The following STAT3 variants were observed in gnomAD, a reference collection of about 807,000 sequenced individuals.
The protein encoded by STAT3 is signal transducer and activator of transcription 3.
In STAT3, 7 loss-of-function variants were observed where a neutral mutation model predicts 114.3. The ratio of observed to expected loss-of-function variants is 0.06; its 90% CI spans 0.03 to 0.11. STAT3 has a LOEUF of 0.11. Among genes scored for constraint, STAT3 ranks in the 10% least tolerant of loss-of-function variants. The pLI is 1.00. For missense variants in STAT3, 364 were observed against 960.9 expected, an observed-to-expected ratio of 0.38 and a Z score of 8.21; for synonymous variants, 331 against 354.5, an observed-to-expected ratio of 0.93 and a Z score of 0.74.
Position 42,324,744 on chromosome 17 carries a change from C to T in STAT3, c.1567G>A (p.Glu523Lys), listed in dbSNP as rs759053963. ...SSTTKRGLSIEQLTTLAEKLL... is the reference protein window; with the variant it reads ...SSTTKRGLSIKQLTTLAEKLL... ...TTCTCTGCCAGTGTAGTCAGCTGCT[C>T]GATGCTCAGTCCTCGCTTGGTGGTG... Residue 523 changes from glutamate (E) to lysine (K), a missense_variant, in exon 17 of 24, where the codon GAG becomes AAG. By Grantham distance (56) the Glu-to-Lys change is moderately conservative. Transcript: ENST00000264657. This position sits in a 1 kb window ranked among gnomAD's most constrained non-coding sequence, Gnocchi z 4.5. The T allele has an allele frequency of 6.2e-7, 1 of 1,614,076 alleles. No homozygotes were observed. The highest frequency in any genetic ancestry group is 8.5e-7 in the Non-Finnish European group (1 of 1,180,016).
chr17:42,378,222 A>C (rs532154415), intron 1 of STAT3, among the ~76,000 whole-genome samples: 1 of 150,640 alleles, frequency 6.6e-6, no homozygotes, highest in African/African-American at 2.5e-5. Context: ...CCTATGTATA[A>C]GCGTTACCAC....
chr17:42,366,540 G>A (rs1480506823), intron 1 of STAT3, among the ~76,000 whole-genome samples: 2 of 151,932 alleles, frequency 1.3e-5, no homozygotes, highest in Admixed American at 1.3e-4. Context: ...ATATAGTGGC[G>A]CAAGCCTGTG....
chr17:42,376,953 G>A (rs866490132), intron 1 of STAT3, among the ~76,000 whole-genome samples: 1 of 152,144 alleles, frequency 6.6e-6, no homozygotes, highest in African/African-American at 2.4e-5. Flanking sequence ...GTGCAATGGG[G>A]TAAAACATGC....
At chr17:42,366,996 C>A (rs965791986) in intron 1 of STAT3, among the ~76,000 whole-genome samples, 10 of 151,998 alleles carry the variant, frequency 6.6e-5, no homozygotes, top group Admixed American at 3.9e-4. Context: ...CAAAAATTAG[C>A]CAGGTGTAGT....
intron 1 of STAT3, chr17:42,374,210 GGAAA>G (rs1438054273): frequency 6.6e-6 from 1 of 152,172 alleles, no homozygotes; most frequent in African/African-American, 2.4e-5. Flanking sequence ...GCTGTGCCTA[GGAAA>G]GAAAGAGAAT....
At position 42,370,227 on chromosome 17, in the gene STAT3, T is replaced by G. The variant is rs568800458; in HGVS notation, c.-24+18052A>C. On this transcript the variant is annotated intron_variant, in intron 1 of 23. Coordinates refer to ENST00000264657, the MANE Select transcript of STAT3 (RefSeq NM_139276.3). ...TTGGCCTCCCAAAGTGCTAGGATTA[T>G]AGGCATGAGCCACCACACCCAGCCT... Among the ~76,000 whole-genome samples, 397 of 147,308 alleles carry G rather than the reference T, an allele frequency of 2.7e-3. 2 individuals carry two copies. Among genetic ancestry groups the G allele is most frequent in the Non-Finnish European group, 3.4e-3 (226 of 66,948 alleles).
chr17:42,346,042 T>C (rs1196252372), intron 3 of STAT3, among the ~76,000 whole-genome samples: 1 of 151,990 alleles, frequency 6.6e-6, no homozygotes, highest in African/African-American at 2.4e-5. Flanking sequence ...ATCAGCTAGT[T>C]TTTAAAAAAA....
intron 20 of STAT3, 26 bp downstream of exon 20, chr17:42,322,978 G>C (rs2081544626): frequency 1.2e-6 from 2 of 1,612,934 alleles, no homozygotes; most frequent in South Asian, 1.1e-5. Flanking sequence ...CCACCAGCAG[G>C]TGGGGTGGGT....
At chr17:42,339,521 G>A (rs144314302) in intron 4 of STAT3, 112 bp from the exon 5 acceptor site, 17 of 1,013,770 alleles carry the variant, frequency 1.7e-5, no homozygotes, top group Middle Eastern at 2.1e-4. Context: ...TTGAGACGCT[G>A]CTGCCATCAC....
intron 1 of STAT3, among the ~76,000 whole-genome samples, chr17:42,380,363 G>A (rs947145314): frequency 2.0e-5 from 3 of 150,234 alleles, no homozygotes; most frequent in South Asian, 4.2e-4. Flanking sequence ...ATGTATAAGC[G>A]TTACCACCCT....
chr17:42,338,716 C>G lies in STAT3; in HGVS notation c.550+15G>C, dbSNP rs755181567. 3.1e-6 allele frequency: 5 copies of G among 1,604,724 alleles called. No homozygotes were observed. The highest frequency in any genetic ancestry group is 1.7e-4 in the Middle Eastern group (1 of 6,050). ...TCACTTTCTAGAGATTTTAACATCT[C>G]TAATATTCACTTGCCTCCTTGACTC... On this transcript the variant is annotated intron_variant, in intron 6 of 23. Transcript: ENST00000264657.
intron 14 of STAT3, among the ~76,000 whole-genome samples, chr17:42,328,389 A>G (rs996115324): frequency 2.0e-5 from 3 of 152,208 alleles, no homozygotes; most frequent in African/African-American, 7.2e-5. Context: ...CCACATTTTT[A>G]AAAAGGACTG....
intron 3 of STAT3, among the ~76,000 whole-genome samples, chr17:42,346,145 T>C (rs145266027): frequency 3.9e-5 from 6 of 152,224 alleles, no homozygotes; most frequent in African/African-American, 1.4e-4. Context: ...TCCTAAGGTG[T>C]TGGGATTACA....
chr17:42,325,977 G>T, intron 15 of STAT3, 139 bp downstream of exon 15: 1 of 818,626 alleles, frequency 1.2e-6, no homozygotes, highest in Non-Finnish European at 2.1e-6. Flanking sequence ...GGATTTTTTT[G>T]GAGAAAAGTA....
intron 1 of STAT3, among the ~76,000 whole-genome samples, chr17:42,366,895 C>T (rs1417840712): frequency 6.6e-6 from 1 of 152,104 alleles, no homozygotes; most frequent in Non-Finnish European, 1.5e-5. Context: ...CATCCCAGCA[C>T]TTTGGGAGGC....
intron 1 of STAT3, among the ~76,000 whole-genome samples, chr17:42,372,951 A>T (rs1287930720): frequency 1.3e-5 from 2 of 152,238 alleles, no homozygotes; most frequent in East Asian, 3.8e-4. Flanking sequence ...GACGTACTAT[A>T]CTAATGCAAG....
In STAT3 at chr17:42,337,273, C is replaced by T. The variant is rs564961529; in HGVS notation, c.797+162G>A. Among the ~76,000 whole-genome samples, 8 of 152,238 alleles carry T rather than the reference C, an allele frequency of 5.3e-5. No homozygotes were observed. The East Asian group carries it at 7.7e-4, about 15-fold the overall frequency. On this transcript the variant is annotated intron_variant, in intron 8 of 23. Coordinates refer to ENST00000264657, the MANE Select transcript of STAT3 (RefSeq NM_139276.3). This position sits in a 1 kb window ranked among gnomAD's most constrained non-coding sequence, Gnocchi z 4.0. ...CTGGGATTACAGGTGTGAGCCACAG[C>T]GCCTGGCCGAAATAAAGTAAAAACT... is the stretch of plus-strand genomic sequence containing the variant.
chr17:42,328,985 A>T (rs923863023), intron 14 of STAT3, among the ~76,000 whole-genome samples: 33 of 152,228 alleles, frequency 2.2e-4, no homozygotes, highest in African/African-American at 7.7e-4. Flanking sequence ...TTTATTTTAA[A>T]GTTTAACTCA....
chr17:42,317,404 T>C, intron 21 of STAT3, 180 bp from the exon 22 acceptor site: 1 of 697,054 alleles, frequency 1.4e-6, no homozygotes, highest in Non-Finnish European at 2.5e-6. Flanking sequence ...CTATTTGATC[T>C]CCCAGGCACT....
Sources: allele counts gnomAD v4.1 joint callset (sites outside exome capture counted in the v4.1 genomes callset), GRCh38; gene constraint gnomAD v4.1.1; non-coding constraint Gnocchi (gnomAD v3.1); transcripts MANE v1.5; gene names NCBI Gene and HGNC (gene_info 2026-07-23, HGNC 2026-07-21).